The following CLNK variants were observed in gnomAD, a reference collection of about 807,000 sequenced individuals.
CLNK encodes the protein cytokine dependent hematopoietic cell linker.
Under a neutral mutation model 68.6 loss-of-function variants are expected in CLNK, and 74 were observed. The ratio of observed to expected loss-of-function variants is 1.08; its 90% CI spans 0.89 to 1.31. The LOEUF (loss-of-function observed/expected upper bound fraction) is 1.31. Ranked by LOEUF, CLNK falls within the 50% of genes most tolerant of loss-of-function variation. CLNK has a pLI of 0.00. For missense variants in CLNK, 553 were observed against 515.3 expected (o/e 1.07, Z -0.71); for synonymous variants, 198 against 172.2 (o/e 1.15, Z -1.17).
At chr4:10,722,980 G>A in the CLNK span, among the ~76,000 whole-genome samples, 6 of 151,888 alleles carry the variant, frequency 4.0e-5, no homozygotes, top group East Asian at 1.2e-3. Flanking sequence ...AACCCGGGAG[G>A]TTGCAGTTAG....
At chr4:10,666,679 G>A (rs1724407656) in intron 2 of CLNK, among the ~76,000 whole-genome samples, 1 of 152,222 alleles carries the variant, frequency 6.6e-6, no homozygotes. Context: ...AGGAAAAGGA[G>A]GTCACAACTC....
the CLNK span, among the ~76,000 whole-genome samples, chr4:10,700,001 CAT>C: frequency 8.4e-5 from 4 of 47,670 alleles, no homozygotes; most frequent in Non-Finnish European, 1.8e-4. Flanking sequence ...ACTGTGTGTG[CAT>C]ATGTGTGTGT....
chr4:10,643,297 C>T (rs1723380383), intron 2 of CLNK, among the ~76,000 whole-genome samples: 2 of 152,208 alleles, frequency 1.3e-5, no homozygotes, highest in South Asian at 4.1e-4. Context: ...ATCAATTGCT[C>T]TAGCAATAAT....
In CLNK at chr4:10,599,879, C is replaced by T. The variant is rs542906863; in HGVS notation, c.12-1830G>A. ...GCTGACCTCCAGCATCTACCCCTAG[C>T]TGCTTTCCTGGCCTCCTGGGTTCCA... On this transcript the variant is annotated intron_variant, in intron 2 of 18. Transcript: ENST00000226951. Among the ~76,000 whole-genome samples the T allele has an allele frequency of 1.4e-4, 21 of 152,358 alleles. No homozygotes were observed. The South Asian group carries it at 4.1e-3, about 30-fold the overall frequency.
At chr4:10,545,706 A>T (rs1371880179) in intron 8 of CLNK, among the ~76,000 whole-genome samples, 1 of 152,090 alleles carries the variant, frequency 6.6e-6, no homozygotes, top group African/African-American at 2.4e-5. Flanking sequence ...GGCTTTTTGC[A>T]TGTCTCCACT....
chr4:10,731,900 C>A, the CLNK span, among the ~76,000 whole-genome samples: 1 of 152,114 alleles, frequency 6.6e-6, no homozygotes, highest in African/African-American at 2.4e-5. Flanking sequence ...GTGGTTTGTT[C>A]CTAAAGGATT....
At chr4:10,506,444 A>G (rs890164996) in intron 17 of CLNK, among the ~76,000 whole-genome samples, 1 of 152,188 alleles carries the variant, frequency 6.6e-6, no homozygotes, top group African/African-American at 2.4e-5. Flanking sequence ...ATAAAGTTTC[A>G]TTATGTTAAG....
intron 2 of CLNK, among the ~76,000 whole-genome samples, chr4:10,616,790 G>GTATATATATATATATACA (rs1553858174): frequency 1.4e-4 from 9 of 64,352 alleles, no homozygotes; most frequent in Non-Finnish European, 3.8e-4. Flanking sequence ...GTGTGTGTGT[G>GTATATATATATATATACA]TATATATATA....
chr4:10,542,234 C>T, intron 9 of CLNK, 21 bp downstream of exon 9: 2 of 1,454,348 alleles, frequency 1.4e-6, no homozygotes, highest in South Asian at 1.2e-5. Context: ...ATAACAAATG[C>T]ATTTTATTGA....
intron 2 of CLNK, among the ~76,000 whole-genome samples, chr4:10,637,399 A>C (rs1249459791): frequency 6.6e-6 from 1 of 152,028 alleles, no homozygotes; most frequent in Non-Finnish European, 1.5e-5. Flanking sequence ...TTGTGAGAAC[A>C]AAAAATAGAC....
At chr4:10,600,950 G>T (rs894888352) in intron 2 of CLNK, among the ~76,000 whole-genome samples, 1 of 152,156 alleles carries the variant, frequency 6.6e-6, no homozygotes, top group Non-Finnish European at 1.5e-5. Context: ...TTCTTCCTGG[G>T]TGCCTCGAGA....
At chr4:10,724,453 C>T in the CLNK span, among the ~76,000 whole-genome samples, 15 of 151,638 alleles carry the variant, frequency 9.9e-5, no homozygotes, top group African/African-American at 3.4e-4. Flanking sequence ...GAATACTATA[C>T]GCCACTCTTG....
the CLNK span, among the ~76,000 whole-genome samples, chr4:10,699,731 C>G: frequency 6.6e-6 from 1 of 151,396 alleles, no homozygotes; most frequent in African/African-American, 2.4e-5. Context: ...CCAGGCTGCT[C>G]TTGAACTCCT....
chr4:10,597,915 A>G (rs867604896), intron 3 of CLNK, 63 bp downstream of exon 3: 1 of 1,136,630 alleles, frequency 8.8e-7, no homozygotes, highest in Middle Eastern at 2.7e-4. Context: ...TGTGATGGTC[A>G]GCTTATTTGC....
intron 2 of CLNK, among the ~76,000 whole-genome samples, chr4:10,643,093 C>T (rs904633242): frequency 6.6e-6 from 1 of 152,168 alleles, no homozygotes; most frequent in Non-Finnish European, 1.5e-5. Context: ...TGGGTCTTGG[C>T]TGTGTGTGAC....
intron 16 of CLNK, among the ~76,000 whole-genome samples, chr4:10,509,954 C>T (rs564607865): frequency 6.6e-6 from 1 of 152,180 alleles, no homozygotes; most frequent in Non-Finnish European, 1.5e-5. Context: ...ACAAAGGAAG[C>T]CTTGGAGCCC....
chr4:10,679,768 G>A (rs1344949703), intron 1 of CLNK, among the ~76,000 whole-genome samples: 1 of 152,190 alleles, frequency 6.6e-6, no homozygotes, highest in Non-Finnish European at 1.5e-5. Flanking sequence ...ATGAAAATAT[G>A]CTCATCATCA....
the CLNK span, among the ~76,000 whole-genome samples, chr4:10,708,921 C>T: frequency 0.92 from 139,726 of 152,244 alleles, 64,158 homozygotes; most frequent in Admixed American, 0.95. Flanking sequence ...TCTATGATTA[C>T]GCTATAAAAC....
chr4:10,694,432 C>A, the CLNK span, among the ~76,000 whole-genome samples: 1 of 151,946 alleles, frequency 6.6e-6, no homozygotes. Flanking sequence ...GTATATACAA[C>A]GAAGGTCCCA....
Sources: gnomAD v4.1 joint callset for allele counts (sites outside exome capture counted in the v4.1 genomes callset) on GRCh38, gnomAD v4.1.1 for gene constraint, MANE v1.5 for transcripts, NCBI Gene and HGNC (gene_info 2026-07-23, HGNC 2026-07-21) for gene names.